AKAP8: variants seen among roughly 807,000 people sequenced by gnomAD.
AKAP8 encodes the protein A-kinase anchoring protein 8.
In AKAP8, 24 loss-of-function variants were observed where a neutral mutation model predicts 67.5. The observed-to-expected ratio is 0.36, with a 90% CI of 0.26 to 0.50. The LOEUF is 0.50. Among genes scored for constraint, AKAP8 ranks in the 20% least tolerant of loss-of-function variants. AKAP8 has a pLI of 0.97. For synonymous variants in AKAP8, 400 were observed against 371.1 expected (o/e 1.08, Z -0.90); for missense variants, 971 against 955.9 (o/e 1.02, Z -0.21).
At chr19:15,364,088 A>ATAAG (rs1967027052) in intron 9 of AKAP8, among the ~76,000 whole-genome samples, 1 of 49,086 alleles carries the variant, frequency 2.0e-5, no homozygotes, top group Non-Finnish European at 4.0e-5. Context: ...AAATAAATAA[A>ATAAG]TAAATAAATT....
chr19:15,371,996 C>A lies in AKAP8; in HGVS notation c.994G>T (p.Asp332Tyr), dbSNP rs1280443678. The change falls in exon 7 of 14, where the codon GAC becomes TAC. Residue 332 changes from aspartate (D) to tyrosine (Y), a missense_variant and splice_region_variant. Coordinates refer to ENST00000269701, the MANE Select transcript of AKAP8 (RefSeq NM_005858.4). ...CCTGAGCGGAAGTCACCAGCTGCGT[C>A]ATCTGCCAGACACAAAGAAAGGAAA... ...DSEGDFSENDDAAGDFRSGDE... is the reference protein window; with the variant it reads ...DSEGDFSENDYAAGDFRSGDE... 6.2e-7 allele frequency: 1 copy of A among 1,614,028 alleles called. No homozygotes were observed. Among genetic ancestry groups the A allele is most frequent in the African/African-American group, 1.3e-5 (1 of 74,944 alleles).
Position 15,373,277 on chromosome 19 carries a change from G to A in AKAP8, c.435C>T (p.Pro145=). ...AGTCGTAGCTGTAGCTGGGGCGGTA[G>A]GGGTTGTGCTCCGGCAGGCAGGGCC... ...DSRPCLPEHN[P]YRPSYSYDYE... is the part of the protein sequence containing the mutation. The change falls in exon 5 of 14, where the codon CCC becomes CCT. Residue 145 remains proline, a synonymous_variant. Transcript: ENST00000269701. The A allele has an allele frequency of 6.2e-7, 1 of 1,613,870 alleles. No homozygotes were observed. Among genetic ancestry groups the A allele is most frequent in the Non-Finnish European group, 8.5e-7 (1 of 1,180,004 alleles).
At chr19:15,368,678 GA>G (rs1967107574) in intron 8 of AKAP8, 7 of 985,152 alleles carry the variant, frequency 7.1e-6, no homozygotes, top group Non-Finnish European at 8.4e-6. Flanking sequence ...AATATCACAG[GA>G]GAAGCCAATT....
Position 15,373,332 on chromosome 19 carries a change from C to T in AKAP8, c.380G>A (p.Arg127His). The change falls in exon 5 of 14, where the codon CGC (arginine) becomes CAC (histidine). Residue 127 changes from arginine to histidine, a missense_variant. Around this residue, in one of 3 missense-constraint regions of AKAP8, gnomAD observed 763 missense variants for 745.4 expected, o/e 1.02. Coordinates refer to ENST00000269701, the MANE Select transcript of AKAP8 (RefSeq NM_005858.4). ...EGIQDRESSFRFQPFESYDSR... is the reference protein window; with the variant it reads ...EGIQDRESSFHFQPFESYDSR... ...GTCATAGGACTCGAACGGCTGGAAG[C>T]GGAAGGAGCTGCAACAGAAGCACAG... 7 of 1,605,874 alleles carry T rather than the reference C, an allele frequency of 4.4e-6. No individual in the cohort carries two copies. The highest frequency in any genetic ancestry group is 2.2e-5 in the East Asian group (1 of 44,810).
chr19:15,359,710 A>C (rs1991758242), intron 12 of AKAP8, among the ~76,000 whole-genome samples: 1 of 152,164 alleles, frequency 6.6e-6, no homozygotes, highest in Non-Finnish European at 1.5e-5. Context: ...CTGTCTCAAA[A>C]AATAAAATTA....
At position 15,373,111 on chromosome 19, in the gene AKAP8, G is replaced by A; in HGVS notation, c.601C>T (p.Pro201Ser). 1.2e-6 allele frequency: 2 copies of A among 1,612,624 alleles called. No homozygotes were observed. The highest frequency in any genetic ancestry group is 1.7e-6 in the Non-Finnish European group (2 of 1,179,786). ...GQGRFQDRSN[P>S]GTFMRSDPFV... ...GGGTCGCTGCGCATGAAGGTGCCAG[G>A]GTTGCTCCGGTCCTGGAAGCGGCCC... The change falls in exon 5 of 14, where the codon CCT becomes TCT. Residue 201 changes from proline (P) to serine (S), a missense_variant. Pro to Ser is a moderately conservative substitution (Grantham distance 74). Transcript: ENST00000269701.
intron 9 of AKAP8, among the ~76,000 whole-genome samples, chr19:15,363,394 G>A (rs1165261983): frequency 3.5e-5 from 5 of 143,688 alleles, no homozygotes; most frequent in Admixed American, 6.9e-5. Context: ...CGCCCCGTCC[G>A]GGAAGTGAGG....
Position 15,369,582 on chromosome 19 carries a change from T to C in AKAP8, c.1072+564A>G, listed in dbSNP as rs1967121404. ...ACCCTCTGGTCTCCTGCATTGGACA[T>C]GAAGAGACCTGCTGAAGGGCGCCCG... On this transcript the variant is annotated intron_variant, in intron 8 of 13. Coordinates refer to ENST00000269701, the MANE Select transcript of AKAP8 (RefSeq NM_005858.4). The surrounding 1 kb of genome is among the most constrained non-coding windows in gnomAD (Gnocchi z 4.6). Among the ~76,000 whole-genome samples, 5 of 152,184 alleles carry C rather than the reference T, an allele frequency of 3.3e-5. No homozygotes were observed. In the South Asian group the frequency reaches 1.0e-3, roughly 31 times the overall value.
chr19:15,373,365 G>C, intron 4 of AKAP8, 25 bp from the exon 5 acceptor site: 3 of 1,579,600 alleles, frequency 1.9e-6, no homozygotes, highest in Admixed American at 1.8e-5. Flanking sequence ...CAGCCCATCA[G>C]GGGCGGTCAC....
At chr19:15,379,229 C>G (rs537131312) in intron 1 of AKAP8, 29 of 158,364 alleles carry the variant, frequency 1.8e-4, no homozygotes, top group Non-Finnish European at 3.3e-4. Context: ...TAGGGCAGGT[C>G]GGGAGAGAGG....
chr19:15,368,114 T>G, intron 9 of AKAP8, 121 bp downstream of exon 9: 1 of 1,287,118 alleles, frequency 7.8e-7, no homozygotes, highest in Non-Finnish European at 1.1e-6. Context: ...CTCCCACTGG[T>G]TTGGCCAGAG....
intron 1 of AKAP8, among the ~76,000 whole-genome samples, chr19:15,377,513 G>A (rs1373433421): frequency 6.6e-6 from 1 of 152,172 alleles, no homozygotes; most frequent in Non-Finnish European, 1.5e-5. Flanking sequence ...CTGTTGCCCA[G>A]GTTAGAGCGC....
rs748604096 is a variant in AKAP8, at chr19:15,377,027, C to G, written c.20-13G>C. The G allele has an allele frequency of 1.9e-6, 3 of 1,612,366 alleles. No individual in the cohort carries two copies. The highest frequency in any genetic ancestry group is 2.7e-5 in the African/African-American group (2 of 74,810). On this transcript the variant is annotated splice_polypyrimidine_tract_variant and intron_variant, in intron 1 of 13. Transcript: ENST00000269701. ...CACGCCCCGTAGCCTGCAAGAAGACCCCGTGAGTTAAAATTCTATTTGTCA... is the reference window on the plus strand; with the variant it reads ...CACGCCCCGTAGCCTGCAAGAAGACGCCGTGAGTTAAAATTCTATTTGTCA...
intron 2 of AKAP8, 128 bp downstream of exon 2, chr19:15,376,848 T>A (rs1478034730): frequency 2.9e-6 from 3 of 1,050,290 alleles, no homozygotes; most frequent in African/African-American, 3.2e-5. Context: ...ATTCACTATC[T>A]GATCTTTTAC....
chr19:15,367,003 G>T (rs1967081732), intron 9 of AKAP8, among the ~76,000 whole-genome samples: 1 of 152,066 alleles, frequency 6.6e-6, no homozygotes, highest in South Asian at 2.1e-4. Context: ...CACCTCCCCA[G>T]TTTAAGTGAT....
chr19:15,370,101 G>C, intron 8 of AKAP8, 45 bp downstream of exon 8: 1 of 1,612,092 alleles, frequency 6.2e-7, no homozygotes, highest in Non-Finnish European at 8.5e-7. Context: ...GTGCGGGGCA[G>C]CTGGGAAGAC....
intron 9 of AKAP8, among the ~76,000 whole-genome samples, chr19:15,367,766 T>C (rs1967092874): frequency 6.6e-6 from 1 of 152,356 alleles, no homozygotes; most frequent in East Asian, 1.9e-4. Context: ...ACCTGTCTCC[T>C]AGCTGTGTCA....
intron 9 of AKAP8, among the ~76,000 whole-genome samples, chr19:15,363,504 C>T (rs1277924527): frequency 1.3e-4 from 19 of 146,956 alleles, no homozygotes; most frequent in African/African-American, 2.6e-4. Flanking sequence ...GCCCCCCGCC[C>T]GGCCAGCCGC....
rs764484665 is a variant in AKAP8, at chr19:15,355,286, G to A, written c.1708C>T (p.Pro570Ser). ...AAGACGTCCGCGGCCACCTCCTCAG[G>A]TGTCTCTTTCTTATCCTCACCTCCT... ...NLGGEDKKETPEEVAADVLAE... is the reference protein window; with the variant it reads ...NLGGEDKKETSEEVAADVLAE... The change falls in exon 14 of 14, where the codon CCT (proline) becomes TCT (serine). Residue 570 changes from proline (P) to serine (S), a missense_variant. Around this residue, in one of 3 missense-constraint regions of AKAP8, gnomAD observed 204 missense variants for 193.0 expected, o/e 1.06. Transcript: ENST00000269701. 1 of 1,613,530 alleles carries A rather than the reference G, an allele frequency of 6.2e-7. No individual in the cohort carries two copies. Among genetic ancestry groups the A allele is most frequent in the African/African-American group, 1.3e-5 (1 of 75,024 alleles).
Sources: allele counts gnomAD v4.1 joint callset (sites outside exome capture counted in the v4.1 genomes callset), GRCh38; gene constraint gnomAD v4.1.1; regional missense constraint gnomAD v4.1.1; non-coding constraint Gnocchi (gnomAD v3.1); transcripts MANE v1.5; gene names NCBI Gene and HGNC (gene_info 2026-07-23, HGNC 2026-07-21).